The following AGBL1 variants were observed in gnomAD, a reference collection of about 807,000 sequenced individuals.
AGBL1 encodes the protein AGBL carboxypeptidase 1.
A neutral mutation model predicts 118.9 loss-of-function variants in AGBL1; 130 were observed. The ratio of observed to expected loss-of-function variants is 1.09; its 90% CI spans 0.95 to 1.26. The LOEUF is 1.26. Among genes scored for constraint, AGBL1 ranks in the 50% most tolerant of loss-of-function variants. AGBL1 has a pLI of 0.00. For missense variants in AGBL1, 1,584 were observed against 1,298.1 expected, an observed-to-expected ratio of 1.22 and a Z score of -3.38; for synonymous variants, 555 against 478.9, an observed-to-expected ratio of 1.16 and a Z score of -2.08.
Position 86,908,765 on chromosome 15 carries a change from G to A in AGBL1, c.*1471G>A, listed in dbSNP as rs1435558860. On this transcript the variant is annotated 3_prime_UTR_variant, in exon 23 of 23. Coordinates refer to ENST00000614907, the MANE Select transcript of AGBL1 (RefSeq NM_001386094.1). The stretch of plus-strand genomic sequence containing the variant: ...GATGAGAAGGGACGACAAAGGCAGT[G>A]GTAGAGTGAGAGATAGAATACGCTA... 4.6e-5 allele frequency: 7 copies of A among 152,240 alleles called. No homozygotes were observed. The highest frequency in any genetic ancestry group is 4.6e-4 in the Admixed American group (7 of 15,284). The allele number at this position is 152,240 out of a possible 1,614,324, so 9.4% of individuals were successfully genotyped here.
At chr15:86,327,721 C>T (rs2141855483) in intron 17 of AGBL1, among the ~76,000 whole-genome samples, 1 of 152,254 alleles carries the variant, frequency 6.6e-6, no homozygotes, top group Non-Finnish European at 1.5e-5. Context: ...CCCAAAGAGA[C>T]AGGTATAAAA....
intron 7 of AGBL1, among the ~76,000 whole-genome samples, chr15:86,251,057 C>G (rs1317391206): frequency 1.3e-5 from 2 of 152,140 alleles, no homozygotes; most frequent in African/African-American, 2.4e-5. Context: ...ACTTTGAACT[C>G]TTACTATTAA....
At chr15:86,712,205 T>C (rs1261231557) in intron 22 of AGBL1, among the ~76,000 whole-genome samples, 4 of 152,168 alleles carry the variant, frequency 2.6e-5, no homozygotes, top group African/African-American at 9.7e-5. Context: ...TCCATTTCCT[T>C]GTTTATCATG....
chr15:86,415,985 C>T (rs755774894), intron 18 of AGBL1, among the ~76,000 whole-genome samples: 2 of 151,906 alleles, frequency 1.3e-5, no homozygotes, highest in Non-Finnish European at 2.9e-5. Flanking sequence ...TTTTTTTTCA[C>T]AGCTTTTTCT....
chr15:86,918,543 A>AT (rs1307615456), downstream of AGBL1, among the ~76,000 whole-genome samples: 10 of 95,208 alleles, frequency 1.1e-4, no homozygotes, highest in East Asian at 3.7e-3. Flanking sequence ...GTCTCAAAAA[A>AT]TAAAAAAAAA....
At chr15:86,796,647 A>T (rs1189780637) in intron 22 of AGBL1, among the ~76,000 whole-genome samples, 1 of 152,174 alleles carries the variant, frequency 6.6e-6, no homozygotes, top group Non-Finnish European at 1.5e-5. Flanking sequence ...TAGTCAGCAA[A>T]CTATGGCACA....
chr15:86,605,754 A>AGTGT (rs149123980), intron 21 of AGBL1, among the ~76,000 whole-genome samples: 49 of 150,948 alleles, frequency 3.2e-4, no homozygotes, highest in Non-Finnish European at 5.2e-4. Context: ...GCTGTATGTG[A>AGTGT]GTGTGTGTGT....
intron 22 of AGBL1, among the ~76,000 whole-genome samples, chr15:86,725,120 A>C (rs1413137560): frequency 6.6e-6 from 1 of 152,246 alleles, no homozygotes; most frequent in Non-Finnish European, 1.5e-5. Flanking sequence ...AGAGCTAAAA[A>C]TTAAATGTGG....
At chr15:87,021,516 G>A (rs886156221) in intron 24 of AGBL1, among the ~76,000 whole-genome samples, 1 of 151,164 alleles carries the variant, frequency 6.6e-6, no homozygotes, top group Non-Finnish European at 1.5e-5. Context: ...AAACTAAAGA[G>A]CTTCTGCACA....
intron 22 of AGBL1, among the ~76,000 whole-genome samples, chr15:86,836,770 G>C (rs1185169378): frequency 6.6e-6 from 1 of 152,034 alleles, no homozygotes; most frequent in Non-Finnish European, 1.5e-5. Context: ...TCTTTTTACA[G>C]GAGGTTTCTA....
chr15:86,937,174 A>G (rs1328065342), intron 23 of AGBL1, among the ~76,000 whole-genome samples: 5 of 152,254 alleles, frequency 3.3e-5, no homozygotes, highest in Non-Finnish European at 5.9e-5. Flanking sequence ...GAGGTTGTGG[A>G]GTAACGGGAA....
intron 17 of AGBL1, among the ~76,000 whole-genome samples, chr15:86,366,649 C>G (rs185113653): frequency 6.6e-6 from 1 of 152,312 alleles, no homozygotes; most frequent in East Asian, 1.9e-4. Context: ...AGTCTCTGAA[C>G]TACTCTTTGG....
intron 24 of AGBL1, among the ~76,000 whole-genome samples, chr15:87,011,238 C>T (rs997172613): frequency 2.0e-5 from 3 of 152,152 alleles, no homozygotes; most frequent in Non-Finnish European, 1.5e-5. Context: ...AAGGAGACTA[C>T]CACATGGGAG....
At chr15:86,723,621 G>A (rs565230191) in intron 22 of AGBL1, among the ~76,000 whole-genome samples, 61 of 152,108 alleles carry the variant, frequency 4.0e-4, no homozygotes, top group African/African-American at 1.2e-3. Flanking sequence ...TAACCTGCAC[G>A]TTGTGCACAT....
chr15:86,746,658 A>G (rs969203880), intron 22 of AGBL1, among the ~76,000 whole-genome samples: 1 of 152,022 alleles, frequency 6.6e-6, no homozygotes, highest in African/African-American at 2.4e-5. Flanking sequence ...TATTTCTTCA[A>G]TGAAGCACTT....
At chr15:86,672,178 A>G (rs1394721281) in intron 21 of AGBL1, among the ~76,000 whole-genome samples, 1 of 152,238 alleles carries the variant, frequency 6.6e-6, no homozygotes, top group Non-Finnish European at 1.5e-5. Flanking sequence ...AAAATGGAAT[A>G]TAAGGGCCTT....
At chr15:86,892,655 C>T (rs1018713764) in intron 22 of AGBL1, among the ~76,000 whole-genome samples, 3 of 152,222 alleles carry the variant, frequency 2.0e-5, no homozygotes, top group Admixed American at 1.3e-4. Context: ...GCACCTGGCA[C>T]ACAGTAGGTG....
chr15:86,177,699 T>C (rs569582012), intron 5 of AGBL1, among the ~76,000 whole-genome samples: 4 of 152,060 alleles, frequency 2.6e-5, no homozygotes, highest in Non-Finnish European at 5.9e-5. Flanking sequence ...GAACTATAGG[T>C]CAAAGAAGAA....
intron 17 of AGBL1, among the ~76,000 whole-genome samples, chr15:86,308,849 T>C (rs527609934): frequency 2.6e-5 from 4 of 152,310 alleles, no homozygotes; most frequent in East Asian, 1.9e-4. Context: ...TAAAATCAGG[T>C]ATTGTGATGT....
Sources: allele counts gnomAD v4.1 joint callset (sites outside exome capture counted in the v4.1 genomes callset), GRCh38; gene constraint gnomAD v4.1.1; transcripts MANE v1.5; gene names NCBI Gene and HGNC (gene_info 2026-07-23, HGNC 2026-07-21).